Variants in MACROD2 observed in about 807,000 individuals in gnomAD.
MACROD2 encodes ADP-ribose glycohydrolase MACROD2.
MACROD2 carries 36 observed loss-of-function variants against 70.4 expected under a neutral mutation model. The ratio of observed to expected loss-of-function variants is 0.51; its 90% CI spans 0.39 to 0.68. The LOEUF is 0.68. Ranked by LOEUF, MACROD2 falls within the 30% of genes least tolerant of loss-of-function variation. The pLI is 0.00. For synonymous variants in MACROD2, 172 were observed against 178.8 expected (o/e 0.96, Z 0.30); for missense variants, 496 against 538.4 (o/e 0.92, Z 0.78).
At chr20:14,758,791 G>A (rs1208644192) in intron 5 of MACROD2, among the ~76,000 whole-genome samples, 4 of 152,112 alleles carry the variant, frequency 2.6e-5, no homozygotes, top group Non-Finnish European at 4.4e-5. Flanking sequence ...AGAGATACTT[G>A]TTCTCATCCT....
At position 14,737,541 on chromosome 20, in the gene MACROD2, G is replaced by C. The variant is rs1224537468; in HGVS notation, c.418+52582G>C. On this transcript the variant is annotated intron_variant, in intron 5 of 17. Coordinates refer to ENST00000684519, the MANE Select transcript of MACROD2 (RefSeq NM_001351661.2). ...GAGGAATCGCCACACTGTCTTCCAT[G>C]ATGGTTGACGTAATTTACACTCCCA... Among the ~76,000 whole-genome samples the C allele has an allele frequency of 2.0e-5, 3 of 152,144 alleles. No individual in the cohort carries two copies. In the East Asian group the frequency reaches 5.8e-4, roughly 29 times the overall value.
At chr20:14,759,227 T>C (rs932770912) in intron 5 of MACROD2, among the ~76,000 whole-genome samples, 6 of 152,134 alleles carry the variant, frequency 3.9e-5, no homozygotes, top group African/African-American at 1.2e-4. Context: ...TGGGAAGGTC[T>C]TACACTCTTC....
At chr20:15,494,774 T>TGCGCGC (rs1209656845) in intron 7 of MACROD2, among the ~76,000 whole-genome samples, 8 of 127,568 alleles carry the variant, frequency 6.3e-5, no homozygotes, top group African/African-American at 2.5e-4. Context: ...CGCGTGTGTG[T>TGCGCGC]GTGCGCGCGT....
In MACROD2 at chr20:14,811,585, C is replaced by G. The variant is rs146669949; in HGVS notation, c.418+126626C>G. Among the ~76,000 whole-genome samples the G allele has an allele frequency of 2.6e-5, 4 of 152,172 alleles. No homozygotes were observed. In the East Asian group the frequency reaches 7.7e-4, roughly 29 times the overall value. On this transcript the variant is annotated intron_variant, in intron 5 of 17. Coordinates refer to ENST00000684519, the MANE Select transcript of MACROD2 (RefSeq NM_001351661.2). ...AAAAGCCAAAATTGACAAATGGGAT[C>G]TAATTGAACTAAAGAGCTTCTGCAC...
At chr20:14,245,309 G>T (rs2081960426) in intron 3 of MACROD2, among the ~76,000 whole-genome samples, 1 of 150,536 alleles carries the variant, frequency 6.6e-6, no homozygotes, top group African/African-American at 2.5e-5. Context: ...CTTGCAGTGA[G>T]CCGAGATTGT....
intron 9 of MACROD2, among the ~76,000 whole-genome samples, 155 bp from the exon 10 acceptor site, chr20:15,885,609 A>C (rs1341003871): frequency 6.6e-6 from 1 of 152,188 alleles, no homozygotes; most frequent in Non-Finnish European, 1.5e-5. Flanking sequence ...ACTTAGCATG[A>C]TAATAATAAG....
chr20:14,742,045 G>A (rs1461640772), intron 5 of MACROD2, among the ~76,000 whole-genome samples: 3 of 152,248 alleles, frequency 2.0e-5, no homozygotes, highest in Non-Finnish European at 4.4e-5. Context: ...AGATAGAAGT[G>A]TCATTAGCCC....
intron 8 of MACROD2, among the ~76,000 whole-genome samples, chr20:15,556,524 G>A (rs2048171577): frequency 1.3e-5 from 2 of 152,178 alleles, no homozygotes; most frequent in Non-Finnish European, 2.9e-5. Flanking sequence ...TAAATGGCAT[G>A]CATGATTTGT....
At chr20:15,569,637 T>C (rs1480488998) in intron 8 of MACROD2, among the ~76,000 whole-genome samples, 2 of 152,296 alleles carry the variant, frequency 1.3e-5, no homozygotes, top group African/African-American at 2.4e-5. Flanking sequence ...AGTGAGATCA[T>C]GCAGCATTTG....
chr20:15,531,293 A>T (rs1051188296), intron 8 of MACROD2, among the ~76,000 whole-genome samples: 39 of 151,116 alleles, frequency 2.6e-4, no homozygotes, highest in Admixed American at 3.3e-4. Flanking sequence ...AATTATTTTT[A>T]CAAAATATGA....
At chr20:15,027,737 T>A (rs559676811) in intron 5 of MACROD2, among the ~76,000 whole-genome samples, 1 of 151,854 alleles carries the variant, frequency 6.6e-6, no homozygotes, top group Admixed American at 6.6e-5. Context: ...AAAAAAAATT[T>A]CTTATGAGAG....
chr20:14,681,808 A>C (rs1438316061), intron 4 of MACROD2, among the ~76,000 whole-genome samples: 1 of 152,204 alleles, frequency 6.6e-6, no homozygotes, highest in African/African-American at 2.4e-5. Context: ...GATATGCCAC[A>C]TGCAGGAATT....
chr20:14,751,704 C>T (rs2071873162), intron 5 of MACROD2, among the ~76,000 whole-genome samples: 1 of 152,116 alleles, frequency 6.6e-6, no homozygotes, highest in Non-Finnish European at 1.5e-5. Flanking sequence ...AGCAGAAGCA[C>T]AAGAGGGCAA....
intron 5 of MACROD2, among the ~76,000 whole-genome samples, chr20:15,134,219 T>A (rs1360355578): frequency 6.9e-6 from 1 of 145,328 alleles, no homozygotes; most frequent in East Asian, 2.3e-4. Context: ...TAAATAATCT[T>A]AAAGGTCTTC....
intron 8 of MACROD2, among the ~76,000 whole-genome samples, chr20:15,541,848 G>A (rs751756439): frequency 9.9e-5 from 15 of 152,186 alleles, no homozygotes; most frequent in Non-Finnish European, 1.8e-4. Flanking sequence ...ATAACTCCAT[G>A]TAGCATACAG....
intron 13 of MACROD2, 148 bp from the exon 14 acceptor site, chr20:15,986,579 A>T (rs2147468502): frequency 3.7e-6 from 2 of 534,914 alleles, no homozygotes; most frequent in East Asian, 6.2e-5. Flanking sequence ...AAATCTGATG[A>T]TTAGAAAAAT....
Position 15,175,220 on chromosome 20 carries a change from T to C in MACROD2, c.419-54720T>C, listed in dbSNP as rs371800400. 2.5e-4 allele frequency among the ~76,000 whole-genome samples: 35 copies of C among 140,844 alleles called. No homozygotes were observed. In the East Asian group the frequency reaches 6.5e-3, roughly 26 times the overall value. 92.4% of individuals were successfully genotyped at this position (140,844 alleles called of 152,430 possible). ...GCATATTGTCACTCATAGGTGGGAA[T>C]TGAACAATGAGAACACATGGATACA... On this transcript the variant is annotated intron_variant, in intron 5 of 17. Transcript: ENST00000684519.
intron 7 of MACROD2, among the ~76,000 whole-genome samples, chr20:15,498,178 A>G (rs2047321727): frequency 6.6e-6 from 1 of 152,214 alleles, no homozygotes; most frequent in Admixed American, 6.5e-5. Flanking sequence ...CCCTTTCTTA[A>G]TGAACTCTCT....
At chr20:14,813,078 CAG>C (rs1218455760) in intron 5 of MACROD2, among the ~76,000 whole-genome samples, 6 of 151,466 alleles carry the variant, frequency 4.0e-5, no homozygotes, top group South Asian at 2.1e-4. Flanking sequence ...TTTTTTTTTA[CAG>C]AGTTGATATG....
Sources: allele counts gnomAD v4.1 joint callset (sites outside exome capture counted in the v4.1 genomes callset), GRCh38; gene constraint gnomAD v4.1.1; transcripts MANE v1.5; gene names NCBI Gene and HGNC (gene_info 2026-07-23, HGNC 2026-07-21).